Variants in CSNK1G1 observed in about 807,000 individuals in gnomAD.
CSNK1G1 encodes casein kinase I isoform gamma-1.
CSNK1G1 carries 22 observed loss-of-function variants against 59.6 expected under a neutral mutation model. The observed-to-expected ratio is 0.37, with a 90% CI of 0.26 to 0.53. The LOEUF is 0.53. CSNK1G1 is among the 20% of genes least tolerant of loss of function. CSNK1G1 has a pLI of 0.89. For missense variants in CSNK1G1, 384 were observed against 519.5 expected (o/e 0.74, Z 2.54); for synonymous variants, 179 against 177.1 (o/e 1.01, Z -0.08).
chr15:64,223,556 G>A (rs993117854), intron 4 of CSNK1G1, among the ~76,000 whole-genome samples: 9 of 152,058 alleles, frequency 5.9e-5, no homozygotes, highest in African/African-American at 2.2e-4. Context: ...TGCTAATGAG[G>A]TCTCCCCTTC....
intron 1 of CSNK1G1, among the ~76,000 whole-genome samples, chr15:64,324,451 A>G (rs1037835038): frequency 2.0e-5 from 3 of 152,232 alleles, no homozygotes; most frequent in Admixed American, 6.5e-5. Flanking sequence ...GTTTTCATCT[A>G]TCTCCCATGC....
chr15:64,269,652 T>C (rs1893174577), intron 2 of CSNK1G1, among the ~76,000 whole-genome samples: 1 of 150,450 alleles, frequency 6.6e-6, no homozygotes, highest in Admixed American at 6.7e-5. Context: ...TACTACCACG[T>C]CCAGCTAATT....
At chr15:64,310,027 C>T (rs769239906) in intron 1 of CSNK1G1, among the ~76,000 whole-genome samples, 7 of 151,686 alleles carry the variant, frequency 4.6e-5, no homozygotes, top group Non-Finnish European at 7.4e-5. Context: ...GCAGGAAGAT[C>T]ACTTGAGCCC....
chr15:64,242,336 T>C (rs975192252), intron 4 of CSNK1G1, among the ~76,000 whole-genome samples: 1 of 152,210 alleles, frequency 6.6e-6, no homozygotes, highest in African/African-American at 2.4e-5. Flanking sequence ...GTTTGAATCA[T>C]GGCGGTGCTG....
chr15:64,302,903 C>T (rs927613634), intron 1 of CSNK1G1, among the ~76,000 whole-genome samples: 8 of 152,088 alleles, frequency 5.3e-5, no homozygotes, highest in African/African-American at 1.9e-4. Context: ...CATTTTTGCT[C>T]ACTGTTTTTT....
intron 4 of CSNK1G1, among the ~76,000 whole-genome samples, chr15:64,237,632 G>GC (rs1198188069): frequency 6.6e-6 from 1 of 152,004 alleles, no homozygotes; most frequent in African/African-American, 2.4e-5. Flanking sequence ...TTCCTGTGTT[G>GC]CTCAGCTTAT....
intron 11 of CSNK1G1, among the ~76,000 whole-genome samples, chr15:64,173,071 A>T (rs1596043626): frequency 6.6e-6 from 1 of 152,240 alleles, no homozygotes; most frequent in African/African-American, 2.4e-5. Context: ...CATAGCTCAG[A>T]CTTGCTAGAT....
intron 4 of CSNK1G1, among the ~76,000 whole-genome samples, chr15:64,242,740 G>A (rs1257630544): frequency 6.6e-6 from 1 of 152,058 alleles, no homozygotes; most frequent in Non-Finnish European, 1.5e-5. Context: ...CTGAGTCCAG[G>A]ATTACCCTGA....
chr15:64,168,900 C>T lies in CSNK1G1; in HGVS notation c.*3031G>A, dbSNP rs2081632735. The T allele has an allele frequency of 2.0e-5, 3 of 152,408 alleles. No homozygotes were observed. Among genetic ancestry groups the T allele is most frequent in the African/African-American group, 7.2e-5 (3 of 41,446 alleles). 9.4% of individuals were successfully genotyped at this position (152,408 alleles called of 1,614,324 possible). Reference sequence around the variant, plus strand: ...GGACCACTTTGAAGTGCCAATGGCTCTGGAGGGATCACCATTACTCTGCAT... The same window carrying T: ...GGACCACTTTGAAGTGCCAATGGCTTTGGAGGGATCACCATTACTCTGCAT... On this transcript the variant is annotated 3_prime_UTR_variant, in exon 12 of 12. Transcript: ENST00000303052.
At chr15:64,238,530 T>A (rs1214296547) in intron 4 of CSNK1G1, among the ~76,000 whole-genome samples, 8 of 126,484 alleles carry the variant, frequency 6.3e-5, no homozygotes, top group African/African-American at 2.2e-4. Flanking sequence ...TATATATATA[T>A]ATATATATAT....
rs960068624 is a variant in CSNK1G1 at position 64,296,937 on chromosome 15, CTTTTT to C, written c.181+3377_181+3381del. Among the ~76,000 whole-genome samples, 175 of 89,666 alleles carry C rather than the reference CTTTTT, an allele frequency of 2.0e-3. 2 individuals are homozygous for C. Among genetic ancestry groups the C allele is most frequent in the Non-Finnish European group, 2.5e-3 (119 of 47,974 alleles). 58.8% of individuals were successfully genotyped at this position (89,666 alleles called of 152,430 possible). A position where few individuals can be genotyped will look rare whatever the true frequency, so the allele number is the denominator to read the frequency against. On this transcript the variant is annotated intron_variant, in intron 2 of 11. Coordinates refer to ENST00000303052, the MANE Select transcript of CSNK1G1 (RefSeq NM_022048.5). ...AGAGAACCAAAATGCACTATCGTTA[CTTTTT>C]TTTTTTTTTTTTTTTTTTTGCTGTT... is the stretch of plus-strand genomic sequence containing the variant.
intron 1 of CSNK1G1, among the ~76,000 whole-genome samples, chr15:64,302,389 C>A (rs1184578823): frequency 6.6e-6 from 1 of 152,136 alleles, no homozygotes; most frequent in Non-Finnish European, 1.5e-5. Context: ...GCGTGAGCCA[C>A]CATGCCTGGC....
At chr15:64,222,918 A>G (rs2082410086) in intron 4 of CSNK1G1, among the ~76,000 whole-genome samples, 1 of 152,160 alleles carries the variant, frequency 6.6e-6, no homozygotes, top group Non-Finnish European at 1.5e-5. Flanking sequence ...AACTGGACTC[A>G]ATACCTTTTG....
intron 4 of CSNK1G1, among the ~76,000 whole-genome samples, chr15:64,228,509 G>A (rs1445438541): frequency 2.0e-5 from 3 of 152,214 alleles, no homozygotes; most frequent in Admixed American, 6.5e-5. Context: ...GGTGGCGCAC[G>A]CCTGTATTCC....
chr15:64,291,518 G>A (rs868282020), intron 2 of CSNK1G1, among the ~76,000 whole-genome samples: 11 of 152,164 alleles, frequency 7.2e-5, no homozygotes, highest in African/African-American at 2.4e-4. Context: ...AATCCAGGAG[G>A]TGGAGGTTGC....
rs1166196297 is a variant in CSNK1G1 at position 64,221,831 on chromosome 15, A to C, written c.293-5118T>G. On this transcript the variant is annotated intron_variant, in intron 4 of 11. Transcript: ENST00000303052. ...GAACACTTTTACACTGTTGGTAGGAATGTAAATTAGTTCAACCATTGTGGA... is the reference window on the plus strand; with the variant it reads ...GAACACTTTTACACTGTTGGTAGGACTGTAAATTAGTTCAACCATTGTGGA... 2.0e-5 allele frequency among the ~76,000 whole-genome samples: 3 copies of C among 152,234 alleles called. No individual in the cohort carries two copies. The East Asian group carries it at 5.8e-4, about 29-fold the overall frequency.
chr15:64,221,194 T>C (rs949652637), intron 4 of CSNK1G1, among the ~76,000 whole-genome samples: 6 of 152,224 alleles, frequency 3.9e-5, no homozygotes, highest in African/African-American at 1.4e-4. Context: ...ATATCCTCTT[T>C]CTAAAGTACA....
intron 2 of CSNK1G1, among the ~76,000 whole-genome samples, chr15:64,294,824 A>G (rs945025182): frequency 7.3e-5 from 11 of 150,590 alleles, no homozygotes; most frequent in African/African-American, 2.7e-4. Flanking sequence ...AGGCAGGAGA[A>G]TCGCTTGAAC....
In CSNK1G1 at chr15:64,276,414, A is replaced by C. The variant is rs553939666; in HGVS notation, c.182-17173T>G. On this transcript the variant is annotated intron_variant, in intron 2 of 11. Coordinates refer to ENST00000303052, the MANE Select transcript of CSNK1G1 (RefSeq NM_022048.5). The stretch of plus-strand genomic sequence containing the variant: ...CAATTTCAGTAACTTTATTATTTTG[A>C]AACAAATCTCAGATGTTACATCATT... Among the ~76,000 whole-genome samples the C allele has an allele frequency of 4.3e-3, 654 of 152,324 alleles. 3 individuals are homozygous for C. Among genetic ancestry groups the C allele is most frequent in the Non-Finnish European group, 6.0e-3 (407 of 68,016 alleles).
Sources: gnomAD v4.1 joint callset for allele counts (sites outside exome capture counted in the v4.1 genomes callset) on GRCh38, gnomAD v4.1.1 for gene constraint, MANE v1.5 for transcripts, NCBI Gene and HGNC (gene_info 2026-07-23, HGNC 2026-07-21) for gene names.